The following ZDHHC4 variants were observed in gnomAD, a reference collection of about 807,000 sequenced individuals.
ZDHHC4 encodes the protein zDHHC palmitoyltransferase 4, also known as palmitoyltransferase ZDHHC4.
Under a neutral mutation model 36.7 loss-of-function variants are expected in ZDHHC4, and 42 were observed. The ratio of observed to expected loss-of-function variants is 1.14; its 90% CI spans 0.89 to 1.48. ZDHHC4 has a LOEUF of 1.48. ZDHHC4 is among the 40% of genes most tolerant of loss of function. The pLI is 0.00. For synonymous variants in ZDHHC4, 189 were observed against 166.6 expected, an observed-to-expected ratio of 1.13 and a Z score of -1.03; for missense variants, 457 against 421.5, an observed-to-expected ratio of 1.08 and a Z score of -0.74.
intron 7 of ZDHHC4, among the ~76,000 whole-genome samples, chr7:6,586,161 CAA>C (rs1457189406): frequency 1.5e-5 from 2 of 134,610 alleles, no homozygotes; most frequent in African/African-American, 2.7e-5. Flanking sequence ...AACTCCATCT[CAA>C]AAAAAAAAAA....
chr7:6,585,284 C>A, intron 7 of ZDHHC4, 24 bp downstream of exon 7: 1 of 1,597,976 alleles, frequency 6.3e-7, no homozygotes, highest in African/African-American at 1.3e-5. Context: ...AGGTTTCTGA[C>A]TTCAAGTTTC....
intron 5 of ZDHHC4, among the ~76,000 whole-genome samples, chr7:6,582,616 C>T (rs1211692264): frequency 1.3e-5 from 2 of 152,134 alleles, no homozygotes; most frequent in Non-Finnish European, 2.9e-5. Context: ...CTCCCGGGTT[C>T]AAGGGATTCT....
Position 6,585,221 on chromosome 7 carries a change from T to C in ZDHHC4, c.702T>C (p.Leu234=). ...DLYQETYIDD[L]GHLHVMDTVF... The stretch of plus-strand genomic sequence containing the variant: ...ACCAGGAGACTTACATCGATGACCT[T>C]GGACACCTCCATGTTATGGACACGG... Residue 234 remains leucine (L), a synonymous_variant, in exon 7 of 8, where the codon CTT becomes CTC. Coordinates refer to ENST00000335965, the MANE Select transcript of ZDHHC4 (RefSeq NM_001134389.2). The C allele has an allele frequency of 6.2e-7, 1 of 1,614,196 alleles. No homozygotes were observed. Among genetic ancestry groups the C allele is most frequent in the African/African-American group, 1.3e-5 (1 of 75,054 alleles).
rs1194880189 is a variant in ZDHHC4 at position 6,580,536 on chromosome 7, T to A, written c.-7-19T>A. 4 of 1,601,406 alleles carry A rather than the reference T, an allele frequency of 2.5e-6. No homozygotes were observed. Among genetic ancestry groups the A allele is most frequent in the Admixed American group, 3.3e-5 (2 of 59,996 alleles). On this transcript the variant is annotated intron_variant, in intron 2 of 7. Coordinates refer to ENST00000335965, the MANE Select transcript of ZDHHC4 (RefSeq NM_001134389.2). ...ACCTTTCAGTAGCAGATAGTCACACTCTTTCTGTTCCTTTGTAGCTGCAGG... is the reference window on the plus strand; with the variant it reads ...ACCTTTCAGTAGCAGATAGTCACACACTTTCTGTTCCTTTGTAGCTGCAGG...
intron 2 of ZDHHC4, among the ~76,000 whole-genome samples, chr7:6,579,977 A>T (rs1015143048): frequency 9.2e-5 from 14 of 151,970 alleles, no homozygotes; most frequent in African/African-American, 3.1e-4. Flanking sequence ...CTCTACTAAA[A>T]ATACAAAAAT....
intron 7 of ZDHHC4, among the ~76,000 whole-genome samples, chr7:6,585,987 C>A (rs1211330120): frequency 1.3e-5 from 2 of 151,670 alleles, no homozygotes; most frequent in Non-Finnish European, 2.9e-5. Context: ...CTCGTCTCTA[C>A]TAAAAATACA....
At chr7:6,586,700 T>A (rs985285459) in intron 7 of ZDHHC4, among the ~76,000 whole-genome samples, 1 of 152,212 alleles carries the variant, frequency 6.6e-6, no homozygotes, top group African/African-American at 2.4e-5. Context: ...GGTCTTGAAC[T>A]CCTGACCTCA....
At position 6,582,193 on chromosome 7, in the gene ZDHHC4, C is replaced by T. The variant is rs918644213; in HGVS notation, c.312C>T (p.Pro104=). ...LELSLHYLLL[P]YLLLGVNLFF... is the part of the protein sequence containing the mutation. ...TGTCCTTGCATTACCTTCTTCTGCCCTATCTGCTGCTAGGTGTAAACCTGT... is the reference window on the plus strand; with the variant it reads ...TGTCCTTGCATTACCTTCTTCTGCCTTATCTGCTGCTAGGTGTAAACCTGT... The change falls in exon 5 of 8, where the codon CCC becomes CCT. Residue 104 remains proline, a synonymous_variant. Coordinates refer to ENST00000335965, the MANE Select transcript of ZDHHC4 (RefSeq NM_001134389.2). 2.5e-6 allele frequency: 4 copies of T among 1,614,012 alleles called. No individual in the cohort carries two copies. The African/African-American group carries it at 5.3e-5, about 22-fold the overall frequency.
At chr7:6,587,509 C>T (rs1781322906) in intron 7 of ZDHHC4, among the ~76,000 whole-genome samples, 1 of 152,182 alleles carries the variant, frequency 6.6e-6, no homozygotes, top group African/African-American at 2.4e-5. Context: ...AAACTTTAAG[C>T]AGCGCAGTTC....
intron 2 of ZDHHC4, among the ~76,000 whole-genome samples, chr7:6,580,151 A>T (rs1274032016): frequency 2.0e-5 from 3 of 151,890 alleles, no homozygotes; most frequent in African/African-American, 7.3e-5. Context: ...AAAAAAGTTT[A>T]TCTTTCTTTT....
intron 7 of ZDHHC4, among the ~76,000 whole-genome samples, chr7:6,586,721 C>A (rs192615679): frequency 2.0e-5 from 3 of 152,320 alleles, no homozygotes; most frequent in African/African-American, 7.2e-5. Flanking sequence ...AGTGATCCAC[C>A]CGCCTCGGCC....
chr7:6,582,717 C>T (rs1780946229), intron 5 of ZDHHC4, among the ~76,000 whole-genome samples: 1 of 152,018 alleles, frequency 6.6e-6, no homozygotes, highest in Non-Finnish European at 1.5e-5. Context: ...GGGGTTTCGC[C>T]ATGTTGTCCA....
chr7:6,578,153 G>A (rs1247580972), intron 1 of ZDHHC4, among the ~76,000 whole-genome samples: 1 of 151,940 alleles, frequency 6.6e-6, no homozygotes, highest in African/African-American at 2.4e-5. Flanking sequence ...TTAGAGATGG[G>A]GTCCAGCTCT....
intron 2 of ZDHHC4, among the ~76,000 whole-genome samples, chr7:6,579,213 T>G (rs1221003864): frequency 6.6e-6 from 1 of 151,922 alleles, no homozygotes. Context: ...TTCTTTTTTT[T>G]TTTTTGAAAC....
At chr7:6,583,515 G>A (rs1781017258) in intron 6 of ZDHHC4, 84 bp downstream of exon 6, 2 of 1,519,284 alleles carry the variant, frequency 1.3e-6, no homozygotes, top group African/African-American at 1.4e-5. Context: ...TCCTGAATCC[G>A]AAAGCAGAGC....
chr7:6,583,672 G>C, intron 6 of ZDHHC4: 1 of 427,682 alleles, frequency 2.3e-6, no homozygotes, highest in Non-Finnish European at 4.1e-6. Flanking sequence ...CCACGTGGCA[G>C]GACATGCTCC....
At chr7:6,588,195 A>T (rs1781378877) in intron 7 of ZDHHC4, among the ~76,000 whole-genome samples, 1 of 152,224 alleles carries the variant, frequency 6.6e-6, no homozygotes, top group Non-Finnish European at 1.5e-5. Flanking sequence ...AAAGGAAAAA[A>T]ACTTCGGAAG....
chr7:6,582,175 G>T lies in ZDHHC4; in HGVS notation c.294G>T (p.Leu98Phe), dbSNP rs748352823. The change falls in exon 5 of 8, where the codon TTG becomes TTT. Residue 98 changes from leucine to phenylalanine, a missense_variant. Leu to Phe is a conservative substitution (Grantham distance 22, BLOSUM62 0). Transcript: ENST00000335965. ...ACTGTCAGGAGCTGGAGTTGTCCTT[G>T]CATTACCTTCTTCTGCCCTATCTGC... ...FGYCQELELS[L>F]HYLLLPYLLL... 3 of 1,614,168 alleles carry T rather than the reference G, an allele frequency of 1.9e-6. No homozygotes were observed. Among genetic ancestry groups the T allele is most frequent in the Non-Finnish European group, 2.5e-6 (3 of 1,180,042 alleles).
At chr7:6,579,495 C>T (rs747801809) in intron 2 of ZDHHC4, among the ~76,000 whole-genome samples, 14 of 152,144 alleles carry the variant, frequency 9.2e-5, no homozygotes, top group Non-Finnish European at 1.6e-4. Context: ...CCACCACGCT[C>T]GGCCTCAGTA....
Sources: allele counts gnomAD v4.1 joint callset (sites outside exome capture counted in the v4.1 genomes callset), GRCh38; gene constraint gnomAD v4.1.1; transcripts MANE v1.5; gene names NCBI Gene and HGNC (gene_info 2026-07-23, HGNC 2026-07-21).